Variants in DNAJC3 observed in about 807,000 individuals in gnomAD.
DNAJC3 encodes the protein dnaJ homolog subfamily C member 3.
A neutral mutation model predicts 68.6 loss-of-function variants in DNAJC3; 38 were observed. The ratio of observed to expected loss-of-function variants is 0.55; its 90% CI spans 0.43 to 0.73. DNAJC3 has a LOEUF of 0.73. Among genes scored for constraint, DNAJC3 ranks in the 30% least tolerant of loss-of-function variants. The pLI is 0.00. For missense variants in DNAJC3, 526 were observed against 591.9 expected, an observed-to-expected ratio of 0.89 and a Z score of 1.16; for synonymous variants, 203 against 204.0, an observed-to-expected ratio of 1.00 and a Z score of 0.04.
chr13:95,697,491 G>T (rs989249346), intron 1 of DNAJC3, among the ~76,000 whole-genome samples: 2 of 152,076 alleles, frequency 1.3e-5, no homozygotes, highest in African/African-American at 4.8e-5. Context: ...ACATTCCTTG[G>T]TTATGTTCGT....
chr13:95,696,897 C>G (rs1880456088), intron 1 of DNAJC3, among the ~76,000 whole-genome samples: 1 of 152,182 alleles, frequency 6.6e-6, no homozygotes, highest in South Asian at 2.1e-4. Context: ...AGGCGCCCAC[C>G]ACCGCGCCTG....
intron 2 of DNAJC3, among the ~76,000 whole-genome samples, chr13:95,717,057 G>C (rs1473174560): frequency 6.6e-6 from 1 of 152,098 alleles, no homozygotes; most frequent in African/African-American, 2.4e-5. Context: ...ACTCTTAAGA[G>C]ATGTGCGTTT....
chr13:95,791,204 T>C lies in DNAJC3; in HGVS notation c.*174T>C, dbSNP rs1225399232. On this transcript the variant is annotated 3_prime_UTR_variant, in exon 12 of 12. Coordinates refer to ENST00000602402, the MANE Select transcript of DNAJC3 (RefSeq NM_006260.5). ...CCTGTCAGATTTATGGTTAATGGGT[T>C]TGCAACGGCAAGGAGGCAAGGAATG... The C allele has an allele frequency of 2.8e-6, 2 of 716,276 alleles. No individual in the cohort carries two copies. The highest frequency in any genetic ancestry group is 1.9e-5 in the South Asian group (1 of 51,940). 44.4% of individuals were successfully genotyped at this position (716,276 alleles called of 1,614,324 possible). A position where few individuals can be genotyped will look rare whatever the true frequency, so the allele number is the denominator to read the frequency against.
chr13:95,763,932 A>C lies in DNAJC3; in HGVS notation c.1054A>C (p.Ile352Leu). ...GAAAGATCGAGCAGAGGCCTATTTG[A>C]TAGAGGAAATGTATGATGAAGGTAA... The part of the protein sequence containing the change: ...ALKDRAEAYL[I>L]EEMYDEAIQD... The change falls in exon 9 of 12, where the codon ATA becomes CTA. Residue 352 changes from isoleucine (I) to leucine (L), a missense_variant. Physicochemically the swap from Ile to Leu is conservative, Grantham distance 5. Coordinates refer to ENST00000602402, the MANE Select transcript of DNAJC3 (RefSeq NM_006260.5). The C allele has an allele frequency of 1.2e-6, 2 of 1,614,010 alleles. No homozygotes were observed. Among genetic ancestry groups the C allele is most frequent in the Non-Finnish European group, 1.7e-6 (2 of 1,179,908 alleles).
At chr13:95,724,389 A>G (rs185496737) in intron 3 of DNAJC3, among the ~76,000 whole-genome samples, 7 of 152,330 alleles carry the variant, frequency 4.6e-5, no homozygotes, top group South Asian at 2.1e-4. Flanking sequence ...AAACGGGATT[A>G]CACACATTAG....
In DNAJC3 at chr13:95,696,858, G is replaced by A. The variant is rs138260076; in HGVS notation, c.83-12369G>A. 8.5e-3 allele frequency among the ~76,000 whole-genome samples: 1,291 copies of A among 152,048 alleles called. 20 individuals carry two copies. Among genetic ancestry groups the A allele is most frequent in the African/African-American group, 0.03 (1,228 of 41,464 alleles). ...CCTCCTGGGTTCATGCCATTTTCCC[G>A]CCTCAGCCTCCTGAGTAGCTGGGAC... is the stretch of plus-strand genomic sequence containing the variant. On this transcript the variant is annotated intron_variant, in intron 1 of 11. Transcript: ENST00000602402.
At chr13:95,707,800 C>T (rs1166693908) in intron 1 of DNAJC3, among the ~76,000 whole-genome samples, 1 of 152,158 alleles carries the variant, frequency 6.6e-6, no homozygotes, top group African/African-American at 2.4e-5. Flanking sequence ...CAAGAGGGGT[C>T]CCCTCTACCA....
intron 4 of DNAJC3, among the ~76,000 whole-genome samples, chr13:95,743,297 C>T (rs1028058863): frequency 3.9e-5 from 6 of 152,196 alleles, no homozygotes; most frequent in African/African-American, 1.4e-4. Flanking sequence ...GAGCTGGGCT[C>T]TGCAATGTGG....
chr13:95,791,539 C>G lies in DNAJC3; in HGVS notation c.*509C>G, dbSNP rs1451210031. The G allele has an allele frequency of 6.2e-6, 1 of 160,240 alleles. No homozygotes were observed. Among genetic ancestry groups the G allele is most frequent in the African/African-American group, 2.4e-5 (1 of 41,458 alleles). The allele number at this position is 160,240 out of a possible 1,614,324, so 9.9% of individuals were successfully genotyped here. ...CGTCACTTGTGAGTAGCTGTGAAAT[C>G]TTTAGTGTGCATGTGTTTGCACCTC... On this transcript the variant is annotated 3_prime_UTR_variant, in exon 12 of 12. Coordinates refer to ENST00000602402, the MANE Select transcript of DNAJC3 (RefSeq NM_006260.5).
intron 1 of DNAJC3, among the ~76,000 whole-genome samples, chr13:95,702,033 TA>T (rs750935894): frequency 6.6e-6 from 1 of 152,136 alleles, no homozygotes; most frequent in South Asian, 2.1e-4. Flanking sequence ...ATTAATCCTT[TA>T]AAAAAATACA....
At chr13:95,731,705 T>G (rs983504693) in intron 4 of DNAJC3, among the ~76,000 whole-genome samples, 4 of 152,116 alleles carry the variant, frequency 2.6e-5, no homozygotes, top group Admixed American at 2.0e-4. Flanking sequence ...AGGGTCTTCC[T>G]GTGTTGCCCA....
In DNAJC3 at chr13:95,728,744, T is replaced by C. The variant is rs952884664; in HGVS notation, c.393+3492T>C. 2.0e-5 allele frequency among the ~76,000 whole-genome samples: 3 copies of C among 152,232 alleles called. No individual in the cohort carries two copies. In the East Asian group the frequency reaches 5.8e-4, roughly 29 times the overall value. ...GTGATGCCTTGTTACATGCATAGAC[T>C]GTGTGATGATCAAGTCAGGGTATTC... On this transcript the variant is annotated intron_variant, in intron 4 of 11. Coordinates refer to ENST00000602402, the MANE Select transcript of DNAJC3 (RefSeq NM_006260.5).
intron 9 of DNAJC3, among the ~76,000 whole-genome samples, chr13:95,785,152 A>G (rs1415189766): frequency 1.3e-5 from 2 of 151,306 alleles, no homozygotes; most frequent in African/African-American, 2.4e-5. Context: ...TTTTTTTTCT[A>G]GCTTCCCATT....
rs538233624 is a variant in DNAJC3 at position 95,791,821 on chromosome 13, T to C, written c.*791T>C. ...AAAATAGTGGTGGTATTTAAAATAA[T>C]ATTGCTGAAGTGCAGATTGAAATAC... On this transcript the variant is annotated 3_prime_UTR_variant, in exon 12 of 12. Coordinates refer to ENST00000602402, the MANE Select transcript of DNAJC3 (RefSeq NM_006260.5). The C allele has an allele frequency of 2.6e-5, 4 of 152,352 alleles. No individual in the cohort carries two copies. The highest frequency in any genetic ancestry group is 6.8e-3 in the Middle Eastern group (2 of 294). 9.4% of individuals were successfully genotyped at this position (152,352 alleles called of 1,614,324 possible). A position where few individuals can be genotyped will look rare whatever the true frequency, so the allele number is the denominator to read the frequency against.
chr13:95,720,380 T>C (rs1421308889), intron 2 of DNAJC3, among the ~76,000 whole-genome samples: 2 of 152,212 alleles, frequency 1.3e-5, no homozygotes, highest in Admixed American at 1.3e-4. Flanking sequence ...TCCATATGTA[T>C]TGTGAAACAT....
At chr13:95,771,702 G>A (rs17883147) in intron 9 of DNAJC3, among the ~76,000 whole-genome samples, 1 of 152,064 alleles carries the variant, frequency 6.6e-6, no homozygotes, top group African/African-American at 2.4e-5. Flanking sequence ...CCAAATTTCT[G>A]GTCAAAGGAG....
chr13:95,688,259 C>A (rs1484528980), intron 1 of DNAJC3, among the ~76,000 whole-genome samples: 1 of 152,004 alleles, frequency 6.6e-6, no homozygotes, highest in African/African-American at 2.4e-5. Context: ...ATTTGGATGC[C>A]TTTTATTTCT....
chr13:95,729,181 T>TTTTC, intron 4 of DNAJC3, among the ~76,000 whole-genome samples: 1 of 134,708 alleles, frequency 7.4e-6, no homozygotes, highest in Non-Finnish European at 1.5e-5. Context: ...CATTCACTCA[T>TTTTC]TCTCTCTCTC....
At chr13:95,692,249 G>T (rs1880292945) in intron 1 of DNAJC3, among the ~76,000 whole-genome samples, 1 of 152,166 alleles carries the variant, frequency 6.6e-6, no homozygotes, top group African/African-American at 2.4e-5. Flanking sequence ...TATATTTTGT[G>T]GTTGTTGGAT....
Sources: gnomAD v4.1 joint callset for allele counts (sites outside exome capture counted in the v4.1 genomes callset) on GRCh38, gnomAD v4.1.1 for gene constraint, MANE v1.5 for transcripts, NCBI Gene and HGNC (gene_info 2026-07-23, HGNC 2026-07-21) for gene names.